Variants in AEBP2 observed in about 807,000 individuals in gnomAD.
The protein encoded by AEBP2 is zinc finger protein AEBP2.
AEBP2 carries 10 observed loss-of-function variants against 50.8 expected under a neutral mutation model. That is an observed-to-expected ratio of 0.20 (90% confidence interval 0.12 to 0.33). The LOEUF is 0.33. Ranked by LOEUF, AEBP2 falls within the 10% of genes least tolerant of loss-of-function variation. AEBP2 has a pLI of 1.00. For missense variants in AEBP2, 570 were observed against 688.0 expected, an observed-to-expected ratio of 0.83 and a Z score of 1.92; for synonymous variants, 296 against 261.3, an observed-to-expected ratio of 1.13 and a Z score of -1.28.
At chr12:19,466,875 A>G (rs539207164) in intron 2 of AEBP2, 12 of 855,702 alleles carry the variant, frequency 1.4e-5, no homozygotes, top group East Asian at 2.4e-4. Context: ...TCTAAACTAT[A>G]TTAATTTCTG....
At chr12:19,477,500 G>A (rs1439204261) in intron 3 of AEBP2, among the ~76,000 whole-genome samples, 2 of 152,164 alleles carry the variant, frequency 1.3e-5, no homozygotes, top group African/African-American at 2.4e-5. Context: ...TAATCATAAA[G>A]GGATGCTGGA....
At chr12:19,450,389 T>C (rs1391305957) in intron 1 of AEBP2, among the ~76,000 whole-genome samples, 1 of 151,614 alleles carries the variant, frequency 6.6e-6, no homozygotes, top group Admixed American at 6.6e-5. Context: ...TCAAATTTAA[T>C]AGTTTTTATT....
chr12:19,512,325 A>AATACATTTTCAT (rs1949245372), intron 5 of AEBP2, 73 bp from the exon 6 acceptor site: 2 of 1,094,980 alleles, frequency 1.8e-6, no homozygotes, highest in Admixed American at 5.2e-5. Context: ...CAGCCCCAAA[A>AATACATTTTCAT]GTGTTTTTTA....
intron 4 of AEBP2, among the ~76,000 whole-genome samples, chr12:19,497,341 T>TG (rs1214889330): frequency 6.9e-6 from 1 of 144,462 alleles, no homozygotes; most frequent in Non-Finnish European, 1.5e-5. Context: ...TTTTTTTTTT[T>TG]TTTTTTTTTT....
chr12:19,460,554 A>G lies in AEBP2; in HGVS notation c.672-1956A>G, dbSNP rs573284769. ...TTTTTAGTAGAGATGTGGTTTCACC[A>G]TCTTGATCAGGCTGGTCTTGAACTC... On this transcript the variant is annotated intron_variant, in intron 1 of 7. Transcript: ENST00000266508. Among the ~76,000 whole-genome samples, 5 of 151,750 alleles carry G rather than the reference A, an allele frequency of 3.3e-5. No homozygotes were observed. The South Asian group carries it at 1.0e-3, about 32-fold the overall frequency.
intron 4 of AEBP2, among the ~76,000 whole-genome samples, chr12:19,494,978 C>T (rs12831583): frequency 0.091 from 13,705 of 150,802 alleles, 697 homozygotes; most frequent in Middle Eastern, 0.15. Flanking sequence ...GTGATCTCGG[C>T]TCACTGCAAC....
intron 3 of AEBP2, among the ~76,000 whole-genome samples, chr12:19,483,796 G>A (rs1592756992): frequency 6.6e-6 from 1 of 152,114 alleles, no homozygotes; most frequent in South Asian, 2.1e-4. Context: ...TACAAATAGT[G>A]CTATAGTGAT....
chr12:19,421,810 C>A (rs1392529678), intron 1 of AEBP2, among the ~76,000 whole-genome samples: 3 of 152,100 alleles, frequency 2.0e-5, no homozygotes, highest in Non-Finnish European at 4.4e-5. Context: ...CAGGAACTCA[C>A]ACAGTAGAAT....
At chr12:19,464,635 G>A (rs1345773479) in intron 2 of AEBP2, among the ~76,000 whole-genome samples, 1 of 151,286 alleles carries the variant, frequency 6.6e-6, no homozygotes, top group Non-Finnish European at 1.5e-5. Flanking sequence ...TGCCCAGGCT[G>A]GAGGGTAATG....
Position 19,439,532 on chromosome 12 carries a change from C to G in AEBP2, c.-168C>G. ...GCGCGTAGTCGCGCGCCTGTCCCCG[C>G]GCGGGCTCCGTAGCGCGTGTGCAGG... On this transcript the variant is annotated 5_prime_UTR_variant, in exon 1 of 8. Transcript: ENST00000266508. 1 of 883,292 alleles carries G rather than the reference C, an allele frequency of 1.1e-6. No homozygotes were observed. The allele number at this position is 883,292 out of a possible 1,614,324, so 54.7% of individuals were successfully genotyped here. A position where few individuals can be genotyped will look rare whatever the true frequency, so the allele number is the denominator to read the frequency against.
chr12:19,454,606 A>G (rs1476390597), intron 1 of AEBP2, among the ~76,000 whole-genome samples: 2 of 152,190 alleles, frequency 1.3e-5, no homozygotes, highest in Non-Finnish European at 2.9e-5. Context: ...TTGAATGTCA[A>G]TAAATTATGC....
At chr12:19,488,147 G>A (rs11044599) in intron 3 of AEBP2, among the ~76,000 whole-genome samples, 3,226 of 147,702 alleles carry the variant, frequency 0.022, 40 homozygotes, top group East Asian at 0.043. Flanking sequence ...TTTTTGAGGC[G>A]TAGTTTTGTT....
chr12:19,405,034 A>C (rs1283905039), intron 1 of AEBP2, among the ~76,000 whole-genome samples: 1 of 146,384 alleles, frequency 6.8e-6, no homozygotes, highest in Non-Finnish European at 1.5e-5. Context: ...TCCAGGGTTC[A>C]AGTGATTCTC....
intron 1 of AEBP2, among the ~76,000 whole-genome samples, chr12:19,428,344 G>T (rs976323916): frequency 6.6e-6 from 1 of 152,210 alleles, no homozygotes. Context: ...TCATCTAGAG[G>T]TCCATGTTTC....
chr12:19,439,874 C>A lies in AEBP2; in HGVS notation c.175C>A (p.Leu59Met). 1 of 1,482,538 alleles carries A rather than the reference C, an allele frequency of 6.7e-7. No homozygotes were observed. The highest frequency in any genetic ancestry group is 1.3e-5 in the South Asian group (1 of 77,628). 91.8% of individuals were successfully genotyped at this position (1,482,538 alleles called of 1,614,324 possible). A position where few individuals can be genotyped will look rare whatever the true frequency, so the allele number is the denominator to read the frequency against. The stretch of plus-strand genomic sequence containing the variant: ...GGCCGAGGCGGTGGCGGCGCTGCTG[C>A]TGAACGGCGGCAGCGGTGGGGGCGG... The part of the protein sequence containing the change: ...AEAEAVAALL[L>M]NGGSGGGGGG... Residue 59 changes from leucine to methionine, a missense_variant, in exon 1 of 8, where the codon CTG becomes ATG. Physicochemically the swap from Leu to Met is conservative, Grantham distance 15. Coordinates refer to ENST00000266508, the MANE Select transcript of AEBP2 (RefSeq NM_153207.5).
In AEBP2 at chr12:19,432,651, G is replaced by A. The variant is rs375628062; in HGVS notation, c.-17+28435G>A. On this transcript the variant is annotated intron_variant, in intron 1 of 3. Coordinates refer to the AEBP2 transcript ENST00000538425. ...TGAGTCTACAGTGAGCCATGATTGC[G>A]TCACTGCACTCCAGCCTGGGCAACA... is the stretch of plus-strand genomic sequence containing the variant. 1.1e-3 allele frequency among the ~76,000 whole-genome samples: 175 copies of A among 152,188 alleles called. 1 individual carries two copies. Among genetic ancestry groups the A allele is most frequent in the African/African-American group, 3.7e-3 (155 of 41,524 alleles).
In AEBP2 at chr12:19,520,766, C is replaced by A. The variant is rs1403962062; in HGVS notation, c.*2649C>A. 6.6e-6 allele frequency: 1 copy of A among 152,152 alleles called. No individual in the cohort carries two copies. Among genetic ancestry groups the A allele is most frequent in the East Asian group, 1.9e-4 (1 of 5,196 alleles). 9.4% of individuals were successfully genotyped at this position (152,152 alleles called of 1,614,324 possible). On this transcript the variant is annotated 3_prime_UTR_variant, in exon 8 of 8. Coordinates refer to ENST00000266508, the MANE Select transcript of AEBP2 (RefSeq NM_153207.5). The stretch of plus-strand genomic sequence containing the variant: ...TGAGACCTTAGGTCCTGCAAGCCCC[C>A]AATTTTTACTACAGGTTGGCAATCC...
At position 19,481,092 on chromosome 12, in the gene AEBP2, C is replaced by CTTTTTTTTTTTTTTTTTTT. The variant is rs71067027; in HGVS notation, c.987+7745_987+7763dup. ...TGTTATTGAAACTTTGCAGTGCATC[C>CTTTTTTTTTTTTTTTTTTT]TTTTTTTTTTTTTTTTTTTTTTTTT... On this transcript the variant is annotated intron_variant, in intron 3 of 7. Transcript: ENST00000266508. 9.5e-5 allele frequency among the ~76,000 whole-genome samples: 7 copies of CTTTTTTTTTTTTTTTTTTT among 74,054 alleles called. 1 individual carries two copies. Among genetic ancestry groups the CTTTTTTTTTTTTTTTTTTT allele is most frequent in the African/African-American group, 2.8e-4 (5 of 17,580 alleles). 48.6% of individuals were successfully genotyped at this position (74,054 alleles called of 152,430 possible). A position where few individuals can be genotyped will look rare whatever the true frequency, so the allele number is the denominator to read the frequency against.
chr12:19,492,596 TAAAAA>T (rs1003368396), intron 3 of AEBP2, among the ~76,000 whole-genome samples: 1 of 151,608 alleles, frequency 6.6e-6, no homozygotes, highest in South Asian at 2.1e-4. Flanking sequence ...CAAAATAAAA[TAAAAA>T]AAATTTATTT....
Sources: gnomAD v4.1 joint callset for allele counts (sites outside exome capture counted in the v4.1 genomes callset) on GRCh38, gnomAD v4.1.1 for gene constraint, MANE v1.5 for transcripts, NCBI Gene and HGNC (gene_info 2026-07-23, HGNC 2026-07-21) for gene names.